Variants in FBXL7 observed in about 807,000 individuals in gnomAD.
FBXL7 encodes F-box and leucine rich repeat protein 7.
FBXL7 carries 12 observed loss-of-function variants against 38.3 expected under a neutral mutation model. The observed-to-expected ratio is 0.31, with a 90% CI of 0.20 to 0.51. The LOEUF is 0.51. FBXL7 is among the 20% of genes least tolerant of loss of function. The pLI is 0.98. For missense variants in FBXL7, 567 were observed against 676.4 expected (o/e 0.84, Z 1.79); for synonymous variants, 297 against 300.9 (o/e 0.99, Z 0.13).
chr5:15,628,486 G>A (rs181800389), intron 2 of FBXL7, among the ~76,000 whole-genome samples: 31 of 152,294 alleles, frequency 2.0e-4, no homozygotes, highest in South Asian at 6.2e-4. Context: ...AACATGCTTG[G>A]TGGGGATAGA....
chr5:15,715,535 C>A (rs908749796), intron 2 of FBXL7, among the ~76,000 whole-genome samples: 3 of 151,714 alleles, frequency 2.0e-5, no homozygotes, highest in Non-Finnish European at 4.4e-5. Context: ...GGTTGGCACC[C>A]CTTTCTGTCT....
chr5:15,588,324 A>T (rs989888001), intron 1 of FBXL7, among the ~76,000 whole-genome samples: 1 of 152,168 alleles, frequency 6.6e-6, no homozygotes, highest in Non-Finnish European at 1.5e-5. Context: ...CTGATGTGTA[A>T]ATCAGTGACT....
intron 2 of FBXL7, among the ~76,000 whole-genome samples, chr5:15,717,004 T>C (rs963187812): frequency 1.3e-5 from 2 of 152,328 alleles, no homozygotes; most frequent in South Asian, 2.1e-4. Context: ...TTAATTAAGA[T>C]CTTAGAAGCA....
At chr5:15,665,189 C>T (rs750810584) in intron 2 of FBXL7, among the ~76,000 whole-genome samples, 3 of 152,116 alleles carry the variant, frequency 2.0e-5, no homozygotes, top group Admixed American at 1.3e-4. Flanking sequence ...ATACCAGCAC[C>T]ACTGAAATAG....
intron 2 of FBXL7, among the ~76,000 whole-genome samples, chr5:15,868,981 T>C (rs972462829): frequency 6.6e-6 from 1 of 152,146 alleles, no homozygotes; most frequent in Non-Finnish European, 1.5e-5. Flanking sequence ...CTCACTGTCT[T>C]TGTGGGCCAG....
chr5:15,645,811 A>T (rs921086015), intron 2 of FBXL7, among the ~76,000 whole-genome samples: 1 of 152,220 alleles, frequency 6.6e-6, no homozygotes, highest in African/African-American at 2.4e-5. Flanking sequence ...TTTCAGGTTG[A>T]AAGTTCTGCC....
At chr5:15,922,207 G>A (rs201559238) in intron 2 of FBXL7, among the ~76,000 whole-genome samples, 27 of 151,486 alleles carry the variant, frequency 1.8e-4, no homozygotes, top group East Asian at 1.2e-3. Context: ...AAAAGGAGGC[G>A]GTCCTGCCAT....
At chr5:15,541,023 C>T (rs1279663039) in intron 1 of FBXL7, among the ~76,000 whole-genome samples, 2 of 151,724 alleles carry the variant, frequency 1.3e-5, no homozygotes, top group Non-Finnish European at 2.9e-5. Flanking sequence ...CTTTTCCCTC[C>T]TTATCCATAT....
In FBXL7 at chr5:15,937,306, T is replaced by C. The variant is rs939264452; in HGVS notation, c.*120T>C. The C allele has an allele frequency of 8.1e-7, 1 of 1,242,156 alleles. No individual in the cohort carries two copies. Among genetic ancestry groups the C allele is most frequent in the South Asian group, 1.6e-5 (1 of 61,262 alleles). The allele number at this position is 1,242,156 out of a possible 1,614,324, so 76.9% of individuals were successfully genotyped here. ...ACAGCTCTTTCTTCCGGGAAGGTTA[T>C]TAGGAATCTGGCCTTTATTTTTCCT... On this transcript the variant is annotated 3_prime_UTR_variant, in exon 4 of 4. Coordinates refer to ENST00000504595, the MANE Select transcript of FBXL7 (RefSeq NM_012304.5).
intron 2 of FBXL7, among the ~76,000 whole-genome samples, chr5:15,751,170 T>C (rs986899243): frequency 2.0e-5 from 3 of 152,248 alleles, no homozygotes; most frequent in Non-Finnish European, 4.4e-5. Flanking sequence ...GCTAGACTTC[T>C]GTATAATTGG....
intron 2 of FBXL7, among the ~76,000 whole-genome samples, chr5:15,890,069 A>G (rs1740836747): frequency 6.6e-6 from 1 of 152,052 alleles, no homozygotes; most frequent in South Asian, 2.1e-4. Context: ...AGAGCAGAAC[A>G]TTAACAGAGC....
Position 15,930,870 on chromosome 5 carries a change from A to G in FBXL7, c.739+2369A>G, listed in dbSNP as rs79968473. Among the ~76,000 whole-genome samples, 633 of 152,318 alleles carry G rather than the reference A, an allele frequency of 4.2e-3. 1 individual carries two copies. The highest frequency in any genetic ancestry group is 0.014 in the Middle Eastern group (4 of 294). ...AAGGGTGCCCTCCTCTTCTGAGGGCATCTGGAAATTGTTATGTTGATGCAG... is the reference window on the plus strand; with the variant it reads ...AAGGGTGCCCTCCTCTTCTGAGGGCGTCTGGAAATTGTTATGTTGATGCAG... On this transcript the variant is annotated intron_variant, in intron 3 of 3. Transcript: ENST00000504595.
At chr5:15,654,788 T>C (rs1380640036) in intron 2 of FBXL7, among the ~76,000 whole-genome samples, 2 of 152,210 alleles carry the variant, frequency 1.3e-5, no homozygotes. Context: ...TGAGTGGGGC[T>C]AAAATTTTAT....
rs371293320 is a variant in FBXL7, at chr5:15,777,720, T to TAAAAAAAAAAAAAAAA, written c.128-150159_128-150144dup. Reference sequence around the variant, plus strand: ...TATTGTTTGCAAACCCCTATTCTGGTAAAAAAAAAAAAAAAAAAAAAAAAA... The same window carrying TAAAAAAAAAAAAAAAA: ...TATTGTTTGCAAACCCCTATTCTGGTAAAAAAAAAAAAAAAAAAAAAAAAAAAAAAAAAAAAAAAAA... On this transcript the variant is annotated intron_variant, in intron 2 of 3. Coordinates refer to ENST00000504595, the MANE Select transcript of FBXL7 (RefSeq NM_012304.5). Among the ~76,000 whole-genome samples the TAAAAAAAAAAAAAAAA allele has an allele frequency of 7.5e-4, 62 of 82,510 alleles. 3 individuals are homozygous for TAAAAAAAAAAAAAAAA. Among genetic ancestry groups the TAAAAAAAAAAAAAAAA allele is most frequent in the African/African-American group, 2.8e-3 (49 of 17,724 alleles). 54.1% of individuals were successfully genotyped at this position (82,510 alleles called of 152,430 possible). A position where few individuals can be genotyped will look rare whatever the true frequency, so the allele number is the denominator to read the frequency against.
rs1305157669 is a variant in FBXL7, at chr5:15,819,037, G to C, written c.128-108853G>C. ...GATAACTTCCAAAAGACAATCATAG[G>C]GAAGCCAATTAGCTAAGGAAAGGAG... On this transcript the variant is annotated intron_variant, in intron 2 of 3. Coordinates refer to ENST00000504595, the MANE Select transcript of FBXL7 (RefSeq NM_012304.5). Among the ~76,000 whole-genome samples the C allele has an allele frequency of 5.3e-5, 8 of 152,222 alleles. No homozygotes were observed. The South Asian group carries it at 1.7e-3, about 32-fold the overall frequency.
chr5:15,901,036 T>C (rs553276375), intron 2 of FBXL7, among the ~76,000 whole-genome samples: 4 of 152,316 alleles, frequency 2.6e-5, no homozygotes, highest in Admixed American at 2.6e-4. Flanking sequence ...AAATCAGAAG[T>C]AGATTCTTCA....
At chr5:15,726,531 A>G (rs1744362139) in intron 2 of FBXL7, among the ~76,000 whole-genome samples, 1 of 151,972 alleles carries the variant, frequency 6.6e-6, no homozygotes, top group Non-Finnish European at 1.5e-5. Flanking sequence ...CGTCTCTACT[A>G]AAAATACAAA....
At chr5:15,749,689 A>G (rs963071995) in intron 2 of FBXL7, among the ~76,000 whole-genome samples, 5 of 152,314 alleles carry the variant, frequency 3.3e-5, no homozygotes, top group Non-Finnish European at 7.4e-5. Flanking sequence ...GGAAGACATC[A>G]GTAATGAAAA....
At chr5:15,835,655 A>C (rs531154544) in intron 2 of FBXL7, among the ~76,000 whole-genome samples, 2 of 152,174 alleles carry the variant, frequency 1.3e-5, no homozygotes, top group Non-Finnish European at 2.9e-5. Flanking sequence ...AGTATAGAAC[A>C]TGAAGGCCAT....
Sources: gnomAD v4.1 joint callset for allele counts (sites outside exome capture counted in the v4.1 genomes callset) on GRCh38, gnomAD v4.1.1 for gene constraint, MANE v1.5 for transcripts, NCBI Gene and HGNC (gene_info 2026-07-23, HGNC 2026-07-21) for gene names.